The following ARMH3 variants were observed in gnomAD, a reference collection of about 807,000 sequenced individuals.
ARMH3 encodes the protein armadillo like helical domain containing 3.
In ARMH3, 60 loss-of-function variants were observed where a neutral mutation model predicts 99.1. The ratio of observed to expected loss-of-function variants is 0.61; its 90% CI spans 0.49 to 0.75. The LOEUF is 0.75. Ranked by LOEUF, ARMH3 falls within the 30% of genes least tolerant of loss-of-function variation. The probability of loss-of-function intolerance (pLI) is 0.00; values close to 1 mark genes in which losing one functional copy is unlikely to be tolerated. For missense variants in ARMH3, 679 were observed against 843.1 expected (o/e 0.81, Z 2.41); for synonymous variants, 285 against 292.8 (o/e 0.97, Z 0.27).
intron 23 of ARMH3, among the ~76,000 whole-genome samples, chr10:101,890,628 G>A (rs749337699): frequency 1.1e-4 from 16 of 152,142 alleles, no homozygotes; most frequent in Non-Finnish European, 1.5e-4. Context: ...CATTCCTGAG[G>A]GTGGGCTAGA....
chr10:102,017,441 T>C (rs1351691431), intron 8 of ARMH3, among the ~76,000 whole-genome samples: 1 of 152,218 alleles, frequency 6.6e-6, no homozygotes, highest in Non-Finnish European at 1.5e-5. Flanking sequence ...CAGACTGACA[T>C]TTCAGAGAGC....
intron 22 of ARMH3, among the ~76,000 whole-genome samples, chr10:101,951,010 T>C (rs1041960279): frequency 1.2e-4 from 18 of 152,238 alleles, no homozygotes; most frequent in Admixed American, 1.2e-3. Context: ...TGTTTCTGCA[T>C]ATTGGCAATA....
At chr10:101,999,172 T>C (rs951888323) in intron 15 of ARMH3, among the ~76,000 whole-genome samples, 3 of 152,168 alleles carry the variant, frequency 2.0e-5, no homozygotes, top group Non-Finnish European at 4.4e-5. Flanking sequence ...ATTTCAATTA[T>C]TTTTGTAATT....
At chr10:102,030,040 C>G (rs2067091022) in intron 4 of ARMH3, among the ~76,000 whole-genome samples, 1 of 152,032 alleles carries the variant, frequency 6.6e-6, no homozygotes, top group African/African-American at 2.4e-5. Context: ...CCCACCTCAG[C>G]CTTCCAAGTA....
intron 23 of ARMH3, among the ~76,000 whole-genome samples, chr10:101,920,749 TCACCA>T (rs1843274234): frequency 6.6e-6 from 1 of 151,752 alleles, no homozygotes; most frequent in African/African-American, 2.4e-5. Context: ...AACCCAAGGG[TCACCA>T]ACAGATAACT....
At chr10:101,936,290 G>A (rs978478183) in intron 23 of ARMH3, among the ~76,000 whole-genome samples, 10 of 151,794 alleles carry the variant, frequency 6.6e-5, no homozygotes, top group East Asian at 5.8e-4. Context: ...TCAGGAGTTC[G>A]AGACCAGCCT....
intron 24 of ARMH3, among the ~76,000 whole-genome samples, chr10:101,861,999 A>G (rs2135317683): frequency 7.2e-6 from 1 of 139,024 alleles, no homozygotes; most frequent in South Asian, 2.5e-4. Flanking sequence ...CAGTGAGCCG[A>G]GATTGTGCCA....
rs1169387964 is a variant in ARMH3, at chr10:101,898,187, A to T, written c.1782-8697T>A. Among the ~76,000 whole-genome samples the T allele has an allele frequency of 4.4e-4, 66 of 148,818 alleles. 1 individual carries two copies. Among genetic ancestry groups the T allele is most frequent in the East Asian group, 5.9e-4 (3 of 5,090 alleles). ...TTAGCTCAGGAGCACAAAAAAAAAAATTTTTTTTTTTTAAAATTAGCTGGG... is the reference window on the plus strand; with the variant it reads ...TTAGCTCAGGAGCACAAAAAAAAAATTTTTTTTTTTTTAAAATTAGCTGGG... On this transcript the variant is annotated intron_variant, in intron 23 of 25. Transcript: ENST00000370033.
intron 8 of ARMH3, among the ~76,000 whole-genome samples, chr10:102,017,853 A>AAG (rs1408751155): frequency 6.6e-6 from 1 of 152,196 alleles, no homozygotes; most frequent in Non-Finnish European, 1.5e-5. Flanking sequence ...TCCCTCTTTA[A>AAG]GTATTCCTTT....
intron 23 of ARMH3, among the ~76,000 whole-genome samples, chr10:101,933,069 C>T (rs999945788): frequency 1.3e-5 from 2 of 152,090 alleles, no homozygotes; most frequent in Non-Finnish European, 2.9e-5. Context: ...ACCTGTAGTC[C>T]CAGCTACTCG....
At chr10:101,854,666 G>T (rs1253202421) in intron 24 of ARMH3, among the ~76,000 whole-genome samples, 1 of 152,162 alleles carries the variant, frequency 6.6e-6, no homozygotes, top group African/African-American at 2.4e-5. Context: ...TAAGGGGCCT[G>T]AGAGGACAGC....
chr10:102,021,049 T>A (rs2066873450), intron 8 of ARMH3, among the ~76,000 whole-genome samples: 1 of 152,110 alleles, frequency 6.6e-6, no homozygotes, highest in South Asian at 2.1e-4. Context: ...ATATCTTTTA[T>A]ACCATACCTT....
Position 101,976,337 on chromosome 10 carries a change from C to CA in ARMH3, c.1407-1038dup, listed in dbSNP as rs1360407394. Reference sequence around the variant, plus strand: ...CCTGAGCGAAAGGGCAAGACTGTCTCAAAAAAAAAAAAAAGAACTTCTGCC... The same window carrying CA: ...CCTGAGCGAAAGGGCAAGACTGTCTCAAAAAAAAAAAAAAAGAACTTCTGCC... On this transcript the variant is annotated intron_variant, in intron 19 of 25. Coordinates refer to ENST00000370033, the MANE Select transcript of ARMH3 (RefSeq NM_024541.3). 6.1e-3 allele frequency among the ~76,000 whole-genome samples: 729 copies of CA among 118,928 alleles called. 5 individuals are homozygous for CA. The highest frequency in any genetic ancestry group is 0.023 in the East Asian group (90 of 3,884). 78.0% of individuals were successfully genotyped at this position (118,928 alleles called of 152,430 possible).
At chr10:102,033,427 T>C in intron 2 of ARMH3, 88 bp from the exon 3 acceptor site, 2 of 1,374,262 alleles carry the variant, frequency 1.5e-6, no homozygotes, top group Non-Finnish European at 2.0e-6. Flanking sequence ...TAGTTTTCTT[T>C]TTTTTTTTTT....
intron 22 of ARMH3, among the ~76,000 whole-genome samples, chr10:101,954,651 T>C (rs1029696530): frequency 2.6e-5 from 4 of 152,184 alleles, no homozygotes; most frequent in Non-Finnish European, 4.4e-5. Flanking sequence ...TTTAAAAGGG[T>C]GGTTTTTGCC....
At chr10:102,051,873 T>A (rs2067715300) in intron 1 of ARMH3, among the ~76,000 whole-genome samples, 1 of 152,320 alleles carries the variant, frequency 6.6e-6, no homozygotes, top group South Asian at 2.1e-4. Context: ...TTCATTTAAA[T>A]AAACATGACC....
intron 1 of ARMH3, among the ~76,000 whole-genome samples, chr10:102,049,974 T>C (rs2067656126): frequency 6.6e-6 from 1 of 152,112 alleles, no homozygotes; most frequent in South Asian, 2.1e-4. Context: ...GTCCTGTTAG[T>C]GCAAAACATC....
chr10:101,889,646 A>T, intron 23 of ARMH3, 156 bp from the exon 24 acceptor site: 2 of 688,872 alleles, frequency 2.9e-6, no homozygotes, highest in East Asian at 5.2e-5. Context: ...GGTAGTCACA[A>T]ATGGGGGTGA....
intron 23 of ARMH3, among the ~76,000 whole-genome samples, chr10:101,892,574 CA>C (rs2067720454): frequency 6.6e-6 from 1 of 151,852 alleles, no homozygotes; most frequent in Admixed American, 6.6e-5. Flanking sequence ...ATTATAGAAC[CA>C]TTTAATCTAA....
Sources: allele counts gnomAD v4.1 joint callset (sites outside exome capture counted in the v4.1 genomes callset), GRCh38; gene constraint gnomAD v4.1.1; transcripts MANE v1.5; gene names NCBI Gene and HGNC (gene_info 2026-07-23, HGNC 2026-07-21).